Variants in KIAA1671 observed in about 807,000 individuals in gnomAD.
KIAA1671 encodes uncharacterized protein KIAA1671.
A neutral mutation model predicts 131.2 loss-of-function variants in KIAA1671; 52 were observed. The observed-to-expected ratio is 0.40, with a 90% CI of 0.32 to 0.50. The LOEUF (loss-of-function observed/expected upper bound fraction) is 0.50, where lower values mean the gene tolerates loss of function less well. KIAA1671 is among the 20% of genes least tolerant of loss of function. KIAA1671 has a pLI of 0.73. For synonymous variants in KIAA1671, 1,003 were observed against 961.6 expected (o/e 1.04, Z -0.80); for missense variants, 2,360 against 2,364.2 (o/e 1.00, Z 0.04).
intron 6 of KIAA1671, among the ~76,000 whole-genome samples, chr22:25,099,537 G>A (rs1320038957): frequency 2.7e-5 from 3 of 112,112 alleles, no homozygotes; most frequent in Non-Finnish European, 5.2e-5. Flanking sequence ...CAAAATGTGG[G>A]TTTTTTTGTT....
At chr22:25,026,764 G>A (rs1020047597) in intron 2 of KIAA1671, among the ~76,000 whole-genome samples, 3 of 152,072 alleles carry the variant, frequency 2.0e-5, no homozygotes, top group Non-Finnish European at 4.4e-5. Context: ...AGTGGGTGGT[G>A]GACTTGAGGT....
intron 11 of KIAA1671, among the ~76,000 whole-genome samples, chr22:25,189,069 G>A (rs149262038): frequency 1.8e-3 from 271 of 151,982 alleles, no homozygotes; most frequent in African/African-American, 6.4e-3. Flanking sequence ...CTGGGGATGT[G>A]AGGAAGTGTC....
intron 6 of KIAA1671, among the ~76,000 whole-genome samples, chr22:25,132,273 C>T (rs1302531975): frequency 1.3e-5 from 2 of 152,126 alleles, no homozygotes; most frequent in Non-Finnish European, 2.9e-5. Context: ...TGCAAGTACC[C>T]AGGCCCCACC....
intron 6 of KIAA1671, among the ~76,000 whole-genome samples, chr22:25,162,102 G>A (rs1057186002): frequency 3.3e-5 from 5 of 152,264 alleles, no homozygotes; most frequent in African/African-American, 1.2e-4. Flanking sequence ...CTGTGAAATG[G>A]GTTCCTCATG....
At chr22:25,112,638 A>G (rs972280730) in intron 6 of KIAA1671, 2 of 375,586 alleles carry the variant, frequency 5.3e-6, no homozygotes, top group Non-Finnish European at 9.4e-6. Flanking sequence ...GCACGTAGCA[A>G]TAATTCCTCT....
At chr22:25,149,013 C>T (rs1249987792) in intron 6 of KIAA1671, among the ~76,000 whole-genome samples, 2 of 152,164 alleles carry the variant, frequency 1.3e-5, no homozygotes, top group Non-Finnish European at 2.9e-5. Context: ...GGCTTGGTGT[C>T]TCCTGCTGGT....
rs1602089697 is a variant in KIAA1671 at position 25,039,764 on chromosome 22, A to C, written c.2634A>C (p.Pro878=). Reference sequence around the variant, plus strand: ...AGCCAGGAGTGGGAGCAAGGGGCCCACCCCAGGGATGCCCCCTCGATCCTC... The same window carrying C: ...AGCCAGGAGTGGGAGCAAGGGGCCCCCCCCAGGGATGCCCCCTCGATCCTC... ...RSKPGVGARG[P]PQGCPLDPLS... The change falls in exon 5 of 13, where the codon CCA becomes CCC. Residue 878 remains proline, a synonymous_variant. Coordinates refer to ENST00000358431, the MANE Select transcript of KIAA1671 (RefSeq NM_001145206.2). The C allele has an allele frequency of 6.0e-6, 9 of 1,494,338 alleles. No individual in the cohort carries two copies. Among genetic ancestry groups the C allele is most frequent in the Non-Finnish European group, 8.1e-6 (9 of 1,117,320 alleles). 92.6% of individuals were successfully genotyped at this position (1,494,338 alleles called of 1,614,324 possible).
At chr22:25,106,938 T>A (rs1168071506) in intron 6 of KIAA1671, among the ~76,000 whole-genome samples, 1 of 152,226 alleles carries the variant, frequency 6.6e-6, no homozygotes, top group African/African-American at 2.4e-5. Context: ...TGTTTGTATA[T>A]TATTATTGTT....
chr22:25,189,385 G>A (rs1017334797), intron 11 of KIAA1671, among the ~76,000 whole-genome samples: 1 of 151,906 alleles, frequency 6.6e-6, no homozygotes, highest in Non-Finnish European at 1.5e-5. Context: ...GTGTTAGCCG[G>A]GATGGTCTTG....
chr22:25,121,927 C>T (rs1931964633), intron 6 of KIAA1671, among the ~76,000 whole-genome samples: 1 of 152,088 alleles, frequency 6.6e-6, no homozygotes, highest in Non-Finnish European at 1.5e-5. Context: ...CCTCAGGGGC[C>T]AGGACAAGCC....
intron 6 of KIAA1671, among the ~76,000 whole-genome samples, chr22:25,125,031 T>C (rs1301986030): frequency 6.6e-6 from 1 of 152,242 alleles, no homozygotes; most frequent in African/African-American, 2.4e-5. Flanking sequence ...AGTGCTGGGA[T>C]TACAGGCATG....
chr22:24,980,501 A>C (rs576092964), intron 1 of KIAA1671, among the ~76,000 whole-genome samples: 17 of 151,220 alleles, frequency 1.1e-4, no homozygotes, highest in Admixed American at 2.0e-4. Flanking sequence ...CGAACTCCTA[A>C]CCTCCTGATC....
intron 8 of KIAA1671, 95 bp from the exon 9 acceptor site, chr22:25,177,253 C>A: frequency 8.3e-7 from 1 of 1,204,366 alleles, no homozygotes; most frequent in Non-Finnish European, 1.1e-6. Context: ...AGCCTCTCAT[C>A]TGTCAACGAA....
chr22:25,108,103 G>C (rs1199951963), intron 6 of KIAA1671, among the ~76,000 whole-genome samples: 5 of 152,104 alleles, frequency 3.3e-5, no homozygotes, highest in Non-Finnish European at 7.4e-5. Context: ...TTTTGATTTA[G>C]GGTGTTAAAT....
chr22:25,122,221 A>T (rs1931981046), intron 6 of KIAA1671, among the ~76,000 whole-genome samples: 1 of 152,132 alleles, frequency 6.6e-6, no homozygotes, highest in Non-Finnish European at 1.5e-5. Flanking sequence ...AGGACTAGCT[A>T]AAACAGAACC....
At chr22:25,085,783 A>AGGGAGGG in intron 6 of KIAA1671, among the ~76,000 whole-genome samples, 1 of 107,424 alleles carries the variant, frequency 9.3e-6, no homozygotes, top group African/African-American at 4.5e-5. Context: ...GGAAGGGAGG[A>AGGGAGGG]AGGGAGGGAG....
At chr22:25,061,673 T>G (rs1482463824) in intron 6 of KIAA1671, 1 of 152,292 alleles carries the variant, frequency 6.6e-6, no homozygotes, top group Non-Finnish European at 1.5e-5. Flanking sequence ...AGAAGCAGGT[T>G]GTCCTGGATG....
chr22:25,172,812 A>G lies in KIAA1671; in HGVS notation c.4650-1428A>G, dbSNP rs547107947. ...TCAGAAGTAGGAGAGAGCCAAGGAC[A>G]TGGACGCTGGAGTCAGACTGCCTGG... On this transcript the variant is annotated intron_variant, in intron 7 of 12. Coordinates refer to ENST00000358431, the MANE Select transcript of KIAA1671 (RefSeq NM_001145206.2). Among the ~76,000 whole-genome samples the G allele has an allele frequency of 2.1e-4, 32 of 152,338 alleles. 1 individual carries two copies. Among genetic ancestry groups the G allele is most frequent in the Admixed American group, 1.9e-3 (29 of 15,306 alleles).
At position 25,039,737 on chromosome 22, in the gene KIAA1671, C is replaced by T; in HGVS notation, c.2607C>T (p.Ser869=). 1 of 1,501,456 alleles carries T rather than the reference C, an allele frequency of 6.7e-7. No individual in the cohort carries two copies. The highest frequency in any genetic ancestry group is 8.9e-7 in the Non-Finnish European group (1 of 1,119,850). The allele number at this position is 1,501,456 out of a possible 1,614,324, so 93.0% of individuals were successfully genotyped here. A position where few individuals can be genotyped will look rare whatever the true frequency, so the allele number is the denominator to read the frequency against. ...SQHEGPEGAR[S]KPGVGARGPP... is the part of the protein sequence containing the mutation. ...ATGAGGGGCCAGAGGGGGCCAGAAG[C>T]AAGCCAGGAGTGGGAGCAAGGGGCC... Residue 869 remains serine, a synonymous_variant, in exon 5 of 13, where the codon AGC becomes AGT. Coordinates refer to ENST00000358431, the MANE Select transcript of KIAA1671 (RefSeq NM_001145206.2).
Sources: gnomAD v4.1 joint callset for allele counts (sites outside exome capture counted in the v4.1 genomes callset) on GRCh38, gnomAD v4.1.1 for gene constraint, MANE v1.5 for transcripts, NCBI Gene and HGNC (gene_info 2026-07-23, HGNC 2026-07-21) for gene names.